Variants in FGGY observed in about 807,000 individuals in gnomAD.
FGGY encodes the protein FGGY carbohydrate kinase domain-containing protein.
A neutral mutation model predicts 71.3 loss-of-function variants in FGGY; 72 were observed. That is an observed-to-expected ratio of 1.01 (90% CI 0.84 to 1.23). The LOEUF is 1.23. FGGY is among the 50% of genes most tolerant of loss of function. The pLI is 0.00. For missense variants in FGGY, 668 were observed against 682.3 expected, an observed-to-expected ratio of 0.98 and a Z score of 0.23; for synonymous variants, 251 against 250.3, an observed-to-expected ratio of 1.00 and a Z score of -0.02.
chr1:59,345,723 A>G (rs2051728615), intron 3 of FGGY, among the ~76,000 whole-genome samples: 1 of 152,088 alleles, frequency 6.6e-6, no homozygotes, highest in Non-Finnish European at 1.5e-5. Flanking sequence ...TGAGGAAAAA[A>G]AAAAACACCT....
intron 4 of FGGY, among the ~76,000 whole-genome samples, chr1:59,356,820 G>A (rs1364568907): frequency 1.3e-5 from 2 of 152,136 alleles, no homozygotes; most frequent in South Asian, 2.1e-4. Flanking sequence ...TCCTGTTACC[G>A]GAGTCACAGC....
chr1:59,465,006 C>T (rs1044877152), intron 6 of FGGY, among the ~76,000 whole-genome samples: 1 of 152,346 alleles, frequency 6.6e-6, no homozygotes, highest in Non-Finnish European at 1.5e-5. Flanking sequence ...CTCCCTAATT[C>T]ATTTTATGAG....
chr1:59,510,296 A>G (rs1473906423), intron 6 of FGGY, among the ~76,000 whole-genome samples: 1 of 152,082 alleles, frequency 6.6e-6, no homozygotes, highest in Non-Finnish European at 1.5e-5. Flanking sequence ...TATGGGTCCT[A>G]TTGTACCCTT....
intron 15 of FGGY, among the ~76,000 whole-genome samples, chr1:59,759,295 G>T (rs2098322363): frequency 6.6e-6 from 1 of 152,028 alleles, no homozygotes; most frequent in South Asian, 2.1e-4. Flanking sequence ...CTAACCCTCC[G>T]AATATAAACC....
chr1:59,424,472 GAGAGGC>G (rs2065996098), intron 5 of FGGY, among the ~76,000 whole-genome samples: 1 of 152,128 alleles, frequency 6.6e-6, no homozygotes, highest in Admixed American at 6.5e-5. Context: ...GCTTGAACCC[GAGAGGC>G]AGAGGTTGCA....
At chr1:59,537,403 A>T (rs1034212299) in intron 7 of FGGY, among the ~76,000 whole-genome samples, 37 of 152,280 alleles carry the variant, frequency 2.4e-4, no homozygotes, top group African/African-American at 8.7e-4. Flanking sequence ...AATCAATATC[A>T]TGAAAATGGC....
intron 4 of FGGY, among the ~76,000 whole-genome samples, chr1:59,355,908 T>C (rs2054221958): frequency 6.6e-6 from 1 of 151,788 alleles, no homozygotes; most frequent in Non-Finnish European, 1.5e-5. Context: ...TAGTTTGACC[T>C]ACCATGTGCT....
At chr1:59,361,576 T>G (rs1400751270) in intron 4 of FGGY, among the ~76,000 whole-genome samples, 2 of 152,240 alleles carry the variant, frequency 1.3e-5, no homozygotes, top group Non-Finnish European at 2.9e-5. Flanking sequence ...TGTGAATCCG[T>G]CAAAAGTTCC....
chr1:59,634,078 G>T (rs2096933175), intron 10 of FGGY, among the ~76,000 whole-genome samples: 1 of 152,106 alleles, frequency 6.6e-6, no homozygotes, highest in Admixed American at 6.6e-5. Flanking sequence ...TCAGTAGAAT[G>T]GAGCAGGCAG....
intron 4 of FGGY, among the ~76,000 whole-genome samples, chr1:59,368,657 G>T (rs1176823821): frequency 6.6e-6 from 1 of 152,208 alleles, no homozygotes; most frequent in Non-Finnish European, 1.5e-5. Context: ...CTTTGGCTGG[G>T]ATTGTATGGG....
At chr1:59,718,412 C>T (rs371377855) in intron 14 of FGGY, among the ~76,000 whole-genome samples, 233 of 152,296 alleles carry the variant, frequency 1.5e-3, no homozygotes, top group African/African-American at 5.5e-3. Flanking sequence ...GCCTTCTAGA[C>T]GGTGACTCCC....
At chr1:59,546,893 C>T (rs1220387963) in intron 7 of FGGY, among the ~76,000 whole-genome samples, 1 of 151,204 alleles carries the variant, frequency 6.6e-6, no homozygotes, top group Non-Finnish European at 1.5e-5. Flanking sequence ...AGTTCTAGAC[C>T]ACATTTCTTT....
intron 8 of FGGY, among the ~76,000 whole-genome samples, chr1:59,596,447 CT>C (rs796745491): frequency 7.2e-4 from 97 of 135,296 alleles, no homozygotes; most frequent in African/African-American, 2.1e-3. Context: ...TTATTTCAAT[CT>C]TTTTTTTTTC....
chr1:59,350,722 T>G (rs557755625), intron 4 of FGGY, among the ~76,000 whole-genome samples: 2 of 152,288 alleles, frequency 1.3e-5, no homozygotes, highest in African/African-American at 4.8e-5. Context: ...AAAATGTGTG[T>G]GGGGGAGTAA....
intron 11 of FGGY, among the ~76,000 whole-genome samples, chr1:59,652,938 A>T (rs1409412677): frequency 6.6e-6 from 1 of 152,104 alleles, no homozygotes; most frequent in African/African-American, 2.4e-5. Context: ...TTCGGTGTGG[A>T]TGTCCTTTCT....
Position 59,432,980 on chromosome 1 carries a change from A to G in FGGY, c.555-23981A>G, listed in dbSNP as rs2067693992. ...CACTAAATGCCAGTTATTTCCTTACATGATTACCTCTCCCACAAGATTCAG... is the reference window on the plus strand; with the variant it reads ...CACTAAATGCCAGTTATTTCCTTACGTGATTACCTCTCCCACAAGATTCAG... On this transcript the variant is annotated intron_variant, in intron 5 of 15. Coordinates refer to ENST00000303721, the MANE Select transcript of FGGY (RefSeq NM_018291.5). Among the ~76,000 whole-genome samples, 6 of 152,232 alleles carry G rather than the reference A, an allele frequency of 3.9e-5. No homozygotes were observed. In the South Asian group the frequency reaches 1.2e-3, roughly 31 times the overall value.
At chr1:59,368,987 C>T (rs2057060843) in intron 4 of FGGY, among the ~76,000 whole-genome samples, 1 of 152,126 alleles carries the variant, frequency 6.6e-6, no homozygotes, top group African/African-American at 2.4e-5. Context: ...GTGAGCAACG[C>T]AGAAGACGGG....
chr1:59,378,639 C>T (rs2058969611), intron 4 of FGGY, 110 bp from the exon 5 acceptor site: 2 of 847,196 alleles, frequency 2.4e-6, no homozygotes, highest in South Asian at 3.4e-5. Context: ...ACAGATGTTT[C>T]AATGGGCATT....
At chr1:59,599,565 G>A (rs895993553) in intron 8 of FGGY, among the ~76,000 whole-genome samples, 1 of 151,344 alleles carries the variant, frequency 6.6e-6, no homozygotes, top group Non-Finnish European at 1.5e-5. Context: ...GTGGTGGCAT[G>A]TGCCTGTAAT....
Sources: allele counts gnomAD v4.1 joint callset (sites outside exome capture counted in the v4.1 genomes callset), GRCh38; gene constraint gnomAD v4.1.1; transcripts MANE v1.5; gene names NCBI Gene and HGNC (gene_info 2026-07-23, HGNC 2026-07-21).